Variants in SLC6A17 observed in about 807,000 individuals in gnomAD.
The protein encoded by SLC6A17 is sodium-dependent neutral amino acid transporter SLC6A17.
A neutral mutation model predicts 64.5 loss-of-function variants in SLC6A17; 21 were observed. That is an observed-to-expected ratio of 0.33 (90% confidence interval 0.23 to 0.47). SLC6A17 has a LOEUF of 0.47. Among genes scored for constraint, SLC6A17 ranks in the 20% least tolerant of loss-of-function variants. The pLI is 1.00. For missense variants in SLC6A17, 682 were observed against 963.2 expected (o/e 0.71, Z 3.86); for synonymous variants, 372 against 399.5 (o/e 0.93, Z 0.82).
At chr1:110,197,179 C>T (rs1157958375) in intron 10 of SLC6A17, among the ~76,000 whole-genome samples, 1 of 152,206 alleles carries the variant, frequency 6.6e-6, no homozygotes. Context: ...CGTGCACCTG[C>T]CCAGGGTGTG....
chr1:110,177,862 G>C (rs1439766558), intron 6 of SLC6A17: 1 of 152,238 alleles, frequency 6.6e-6, no homozygotes, highest in East Asian at 1.9e-4. Context: ...GGTAGTACTG[G>C]CTAGGGCACA....
In SLC6A17 at chr1:110,194,765, T is replaced by A. The variant is rs756020156; in HGVS notation, c.1486T>A (p.Phe496Ile). ...CACCTTCAAGGTGCCCAAGGAGATG[T>A]TCACAGGTAACTCCTCCCTGCCCCC... is the stretch of plus-strand genomic sequence containing the variant. The part of the protein sequence containing the change: ...IDTFKVPKEM[F>I]TVGCCVFAFL... The change falls in exon 9 of 12, where the codon TTC (phenylalanine) becomes ATC (isoleucine). Residue 496 changes from phenylalanine to isoleucine, a missense_variant. By Grantham distance (21) the Phe-to-Ile change is conservative. Coordinates refer to ENST00000331565, the MANE Select transcript of SLC6A17 (RefSeq NM_001010898.4). 1 of 1,613,150 alleles carries A rather than the reference T, an allele frequency of 6.2e-7. No homozygotes were observed. The highest frequency in any genetic ancestry group is 1.7e-5 in the Admixed American group (1 of 60,022).
At chr1:110,151,505 G>C (rs1450445036) in intron 1 of SLC6A17, among the ~76,000 whole-genome samples, 1 of 152,244 alleles carries the variant, frequency 6.6e-6, no homozygotes, top group Non-Finnish European at 1.5e-5. Context: ...CAGGGGACGT[G>C]CGTGTGGTGC....
Position 110,199,932 on chromosome 1 carries a change from G to T in SLC6A17, c.*1488G>T, listed in dbSNP as rs1483442379. 1.0e-5 allele frequency: 4 copies of T among 394,496 alleles called. No individual in the cohort carries two copies. The highest frequency in any genetic ancestry group is 1.8e-5 in the Non-Finnish European group (4 of 224,114). The allele number at this position is 394,496 out of a possible 1,614,324, so 24.4% of individuals were successfully genotyped here. ...ATGGATGGATGGATGGATGGGTTGG[G>T]GGGTGGGGGTGGATGGATAGATGGA... On this transcript the variant is annotated 3_prime_UTR_variant, in exon 12 of 12. Coordinates refer to ENST00000331565, the MANE Select transcript of SLC6A17 (RefSeq NM_001010898.4).
rs367863110 is a variant in SLC6A17, at chr1:110,192,468, C to T, written c.1107-38C>T. The T allele has an allele frequency of 9.1e-4, 1,444 of 1,581,918 alleles. No homozygotes were observed. Among genetic ancestry groups the T allele is most frequent in the Non-Finnish European group, 1.2e-3 (1,340 of 1,163,180 alleles). ...CCAGGATCTCACCCATTGCCCACCC[C>T]TGCCTTCTTACCTGGTCCTCTCGGT... On this transcript the variant is annotated intron_variant, in intron 7 of 11. Transcript: ENST00000331565. This position sits in a 1 kb window ranked among gnomAD's most constrained non-coding sequence, Gnocchi z 4.3.
At position 110,163,428 on chromosome 1, in the gene SLC6A17, A is replaced by G. The variant is rs568730894; in HGVS notation, c.-87-3415A>G. Among the ~76,000 whole-genome samples the G allele has an allele frequency of 2.7e-3, 407 of 152,300 alleles. 2 individuals carry two copies. Among genetic ancestry groups the G allele is most frequent in the African/African-American group, 9.1e-3 (378 of 41,552 alleles). On this transcript the variant is annotated intron_variant, in intron 1 of 11. Coordinates refer to ENST00000331565, the MANE Select transcript of SLC6A17 (RefSeq NM_001010898.4). ...TTAAATGCATAAAGGTAAACAATGC[A>G]AGGCTTCCAGGCAGTGGCTGCTACC...
rs987824105 is a variant in SLC6A17, at chr1:110,176,734, C to G, written c.859C>G (p.Pro287Ala). 1 of 1,612,968 alleles carries G rather than the reference C, an allele frequency of 6.2e-7. No homozygotes were observed. Among genetic ancestry groups the G allele is most frequent in the Non-Finnish European group, 8.5e-7 (1 of 1,179,328 alleles). ...TGATGGCATCCTACACATGTTCACT[C>G]CCAAGGTAAGGGTTTGGGGCTCCCA... The part of the protein sequence containing the change: ...AVDGILHMFT[P>A]KLDKMLDPQV... The change falls in exon 6 of 12, where the codon CCC becomes GCC. Residue 287 changes from proline (P) to alanine (A), a missense_variant. By Grantham distance (27) the Pro-to-Ala change is conservative (BLOSUM62 -1). This residue lies in a region of SLC6A17 where 415 missense variants were observed against 603.8 expected (regional missense o/e 0.69). Coordinates refer to ENST00000331565, the MANE Select transcript of SLC6A17 (RefSeq NM_001010898.4).
chr1:110,163,548 G>C (rs1655972488), intron 1 of SLC6A17, among the ~76,000 whole-genome samples: 1 of 152,184 alleles, frequency 6.6e-6, no homozygotes, highest in South Asian at 2.1e-4. Flanking sequence ...GGAGATGGGA[G>C]CCATCATTAA....
At position 110,192,327 on chromosome 1, in the gene SLC6A17, A is replaced by C; in HGVS notation, c.1106+114A>C. The C allele has an allele frequency of 2.7e-6, 4 of 1,496,376 alleles. No individual in the cohort carries two copies. Among genetic ancestry groups the C allele is most frequent in the Non-Finnish European group, 3.6e-6 (4 of 1,105,034 alleles). The allele number at this position is 1,496,376 out of a possible 1,614,324, so 92.7% of individuals were successfully genotyped here. A position where few individuals can be genotyped will look rare whatever the true frequency, so the allele number is the denominator to read the frequency against. ...AGAGAGGTCCCCTCCACTCAGACTG[A>C]GGAATGGAGATCAGAGGAGCACTCT... On this transcript the variant is annotated intron_variant, in intron 7 of 11. Coordinates refer to ENST00000331565, the MANE Select transcript of SLC6A17 (RefSeq NM_001010898.4). This position sits in a 1 kb window ranked among gnomAD's most constrained non-coding sequence, Gnocchi z 4.3.
At chr1:110,190,830 TG>T (rs978017648) in intron 6 of SLC6A17, among the ~76,000 whole-genome samples, 4 of 149,622 alleles carry the variant, frequency 2.7e-5, no homozygotes, top group African/African-American at 9.9e-5. Flanking sequence ...GAGTTGGTGC[TG>T]GGGCCGGGGG....
At position 110,198,162 on chromosome 1, in the gene SLC6A17, G is replaced by C; in HGVS notation, c.1902G>C (p.Val634=). Reference sequence around the variant, plus strand: ...TCGTGGCGACGCTGCCCATCCCTGTGGTGTTCGTCCTGCGGCACTTCCACC... The same window carrying C: ...TCGTGGCGACGCTGCCCATCCCTGTCGTGTTCGTCCTGCGGCACTTCCACC... ...LIVVATLPIP[V]VFVLRHFHLL... is the part of the protein sequence containing the mutation. The change falls in exon 12 of 12, where the codon GTG becomes GTC. Residue 634 remains valine (V), a synonymous_variant. Coordinates refer to ENST00000331565, the MANE Select transcript of SLC6A17 (RefSeq NM_001010898.4). 1 of 1,614,082 alleles carries C rather than the reference G, an allele frequency of 6.2e-7. No homozygotes were observed. The highest frequency in any genetic ancestry group is 8.5e-7 in the Non-Finnish European group (1 of 1,179,994).
intron 4 of SLC6A17, among the ~76,000 whole-genome samples, chr1:110,174,393 G>A (rs565909155): frequency 3.3e-5 from 5 of 152,282 alleles, no homozygotes; most frequent in Admixed American, 6.5e-5. Context: ...GCCCAGAAGC[G>A]ACTTTCCCAT....
At position 110,166,792 on chromosome 1, in the gene SLC6A17, C is replaced by T. The variant is rs977770809; in HGVS notation, c.-87-51C>T. On this transcript the variant is annotated intron_variant, in intron 1 of 11. Transcript: ENST00000331565. ...TGGGTTGTGTCCACGTTGGGCTCCT[C>T]ACCTTCCTGGTGTGGTCAGATAATC... 1.2e-5 allele frequency: 15 copies of T among 1,204,616 alleles called. No individual in the cohort carries two copies. In the African/African-American group the frequency reaches 2.3e-4, roughly 18 times the overall value. 74.6% of individuals were successfully genotyped at this position (1,204,616 alleles called of 1,614,324 possible).
chr1:110,151,033 C>T (rs928483206), intron 1 of SLC6A17, 150 bp downstream of exon 1: 5 of 152,250 alleles, frequency 3.3e-5, no homozygotes, highest in African/African-American at 9.6e-5. Flanking sequence ...TCGTCCCGGG[C>T]TCCTCTCGCC....
At chr1:110,174,142 C>T (rs375877483) in intron 4 of SLC6A17, 43 bp downstream of exon 4, 4 of 1,606,096 alleles carry the variant, frequency 2.5e-6, no homozygotes, top group Non-Finnish European at 3.4e-6. Flanking sequence ...AGCCCTGTCC[C>T]AGGAAGGGGT....
chr1:110,174,971 A>AG lies in SLC6A17; in HGVS notation c.753+17dup. 2 of 1,610,350 alleles carry AG rather than the reference A, an allele frequency of 1.2e-6. No homozygotes were observed. The highest frequency in any genetic ancestry group is 1.7e-6 in the Non-Finnish European group (2 of 1,177,462). Reference sequence around the variant, plus strand: ...CAGTCCTCGGGGAAGGTGAGTGCTGAGGGGGGCACCCAGGACCCAAATGGG... The same window carrying AG: ...CAGTCCTCGGGGAAGGTGAGTGCTGAGGGGGGGCACCCAGGACCCAAATGGG... On this transcript the variant is annotated intron_variant, in intron 5 of 11. Coordinates refer to ENST00000331565, the MANE Select transcript of SLC6A17 (RefSeq NM_001010898.4).
intron 6 of SLC6A17, among the ~76,000 whole-genome samples, chr1:110,184,741 A>G (rs1273439111): frequency 6.6e-6 from 1 of 152,168 alleles, no homozygotes; most frequent in Non-Finnish European, 1.5e-5. Context: ...TGTGGACAGT[A>G]GGGAAAAAGA....
At chr1:110,173,892 C>CGAGAA in intron 3 of SLC6A17, 81 bp from the exon 4 acceptor site, 4 of 1,552,176 alleles carry the variant, frequency 2.6e-6, no homozygotes, top group Admixed American at 1.9e-5. Flanking sequence ...GCGCTGCCGA[C>CGAGAA]GTGCTGGGCC....
chr1:110,151,770 A>AT (rs1241954120), intron 1 of SLC6A17, among the ~76,000 whole-genome samples: 4 of 151,802 alleles, frequency 2.6e-5, no homozygotes, highest in African/African-American at 9.7e-5. Context: ...TTTAGAAAAT[A>AT]TTTTTTGATG....
Sources: allele counts gnomAD v4.1 joint callset (sites outside exome capture counted in the v4.1 genomes callset), GRCh38; gene constraint gnomAD v4.1.1; regional missense constraint gnomAD v4.1.1; non-coding constraint Gnocchi (gnomAD v3.1); transcripts MANE v1.5; gene names NCBI Gene and HGNC (gene_info 2026-07-23, HGNC 2026-07-21).